Variants in TMTC2 observed in about 807,000 individuals in gnomAD.
TMTC2 encodes the protein protein O-mannosyl-transferase TMTC2.
Under a neutral mutation model 82.4 loss-of-function variants are expected in TMTC2, and 43 were observed. The observed-to-expected ratio is 0.52, with a 90% CI of 0.41 to 0.67. The LOEUF (loss-of-function observed/expected upper bound fraction) is 0.67. Among genes scored for constraint, TMTC2 ranks in the 30% least tolerant of loss-of-function variants. TMTC2 has a pLI of 0.00. For missense variants in TMTC2, 919 were observed against 1,012.4 expected, an observed-to-expected ratio of 0.91 and a Z score of 1.25; for synonymous variants, 408 against 381.9, an observed-to-expected ratio of 1.07 and a Z score of -0.80.
At chr12:82,747,275 G>A (rs1875741439) in intron 1 of TMTC2, among the ~76,000 whole-genome samples, 1 of 152,150 alleles carries the variant, frequency 6.6e-6, no homozygotes, top group Non-Finnish European at 1.5e-5. Flanking sequence ...AATATTAACA[G>A]GATTTTAAAT....
At chr12:82,708,352 G>T (rs991976017) in intron 1 of TMTC2, among the ~76,000 whole-genome samples, 1 of 152,152 alleles carries the variant, frequency 6.6e-6, no homozygotes, top group African/African-American at 2.4e-5. Context: ...GAAAGCTCAA[G>T]GTCAGACTTA....
At chr12:82,964,144 A>C (rs1878080083) in intron 4 of TMTC2, among the ~76,000 whole-genome samples, 1 of 151,820 alleles carries the variant, frequency 6.6e-6, no homozygotes, top group Non-Finnish European at 1.5e-5. Context: ...CAGGCTCAAT[A>C]GATGTGCGGA....
chr12:82,731,673 G>T (rs939822537), intron 1 of TMTC2, among the ~76,000 whole-genome samples: 1 of 152,192 alleles, frequency 6.6e-6, no homozygotes, highest in East Asian at 1.9e-4. Context: ...GAAAAATATG[G>T]GATACAGCAA....
intron 1 of TMTC2, among the ~76,000 whole-genome samples, chr12:82,714,597 A>T (rs768067981): frequency 5.9e-5 from 9 of 152,170 alleles, no homozygotes; most frequent in Non-Finnish European, 4.4e-5. Context: ...GCTGTTCCTG[A>T]TCTCTTTCAG....
intron 11 of TMTC2, among the ~76,000 whole-genome samples, chr12:83,084,176 CT>C (rs1254655832): frequency 1.3e-5 from 2 of 152,136 alleles, no homozygotes; most frequent in Non-Finnish European, 2.9e-5. Flanking sequence ...AATTCAGATT[CT>C]GAAACACAGC....
intron 2 of TMTC2, among the ~76,000 whole-genome samples, chr12:82,886,108 A>T (rs1873086155): frequency 6.6e-6 from 1 of 152,100 alleles, no homozygotes; most frequent in South Asian, 2.1e-4. Context: ...AAATTCTTCC[A>T]GCTTTGGCCA....
At chr12:82,693,871 A>G (rs554735249) in intron 1 of TMTC2, among the ~76,000 whole-genome samples, 16 of 151,488 alleles carry the variant, frequency 1.1e-4, no homozygotes, top group African/African-American at 3.9e-4. Flanking sequence ...AGGAGGCTGA[A>G]GCAGGAAAAT....
In TMTC2 at chr12:82,775,883, TA is replaced by T. The variant is rs1180350421; in HGVS notation, c.84-81125del. The stretch of plus-strand genomic sequence containing the variant: ...TTTGATTTTTTCTCTGACACATTTA[TA>T]ATTTTTTAGTTTCTTTAGTCTCTAG... On this transcript the variant is annotated intron_variant, in intron 1 of 11. Transcript: ENST00000321196. 1.3e-4 allele frequency among the ~76,000 whole-genome samples: 20 copies of T among 152,234 alleles called. 2 individuals carry two copies. The highest frequency in any genetic ancestry group is 4.1e-4 in the African/African-American group (17 of 41,570).
chr12:82,945,983 C>T (rs1876970694), intron 4 of TMTC2, among the ~76,000 whole-genome samples: 1 of 152,106 alleles, frequency 6.6e-6, no homozygotes, highest in African/African-American at 2.4e-5. Flanking sequence ...CTAAATAATA[C>T]ATTATTTCTA....
chr12:83,082,653 G>T, intron 11 of TMTC2, among the ~76,000 whole-genome samples: 1 of 152,250 alleles, frequency 6.6e-6, no homozygotes, highest in East Asian at 1.9e-4. Flanking sequence ...TACAATAACA[G>T]CATCAAATTT....
chr12:82,833,852 A>G lies in TMTC2; in HGVS notation c.84-23158A>G, dbSNP rs556283930. Among the ~76,000 whole-genome samples the G allele has an allele frequency of 1.5e-4, 23 of 152,346 alleles. 1 individual carries two copies. The South Asian group carries it at 4.4e-3, about 29-fold the overall frequency. On this transcript the variant is annotated intron_variant, in intron 1 of 11. Transcript: ENST00000321196. The stretch of plus-strand genomic sequence containing the variant: ...GAATGTTTTTCCATGGTCTTCTCTT[A>G]AACAAAACAAATAAACATAGCAATA...
chr12:82,889,981 A>C (rs1873314964), intron 2 of TMTC2, among the ~76,000 whole-genome samples: 1 of 151,946 alleles, frequency 6.6e-6, no homozygotes, highest in Admixed American at 6.6e-5. Flanking sequence ...CTAACTAGAG[A>C]TTTCCAAGTC....
intron 1 of TMTC2, among the ~76,000 whole-genome samples, chr12:82,844,695 G>C (rs1024893304): frequency 6.6e-6 from 1 of 151,730 alleles, no homozygotes; most frequent in Admixed American, 6.6e-5. Context: ...CCAGCTGCTC[G>C]GGAGACTGAG....
At chr12:82,897,330 G>A (rs191396982) in intron 3 of TMTC2, among the ~76,000 whole-genome samples, 23 of 152,206 alleles carry the variant, frequency 1.5e-4, no homozygotes, top group African/African-American at 5.1e-4. Flanking sequence ...AATTACTTGA[G>A]CAAATCTCAG....
chr12:82,924,220 A>ATT (rs1160559268), intron 3 of TMTC2, among the ~76,000 whole-genome samples: 3 of 152,294 alleles, frequency 2.0e-5, no homozygotes, highest in African/African-American at 7.2e-5. Flanking sequence ...GAGGCATCTC[A>ATT]TTATATGACC....
chr12:82,973,292 C>T (rs1331264358), intron 7 of TMTC2, among the ~76,000 whole-genome samples: 1 of 152,076 alleles, frequency 6.6e-6, no homozygotes, highest in East Asian at 1.9e-4. Context: ...AGAATATGAA[C>T]CTCTAATTTT....
At chr12:82,911,749 G>A (rs1874674492) in intron 3 of TMTC2, among the ~76,000 whole-genome samples, 1 of 151,912 alleles carries the variant, frequency 6.6e-6, no homozygotes, top group Non-Finnish European at 1.5e-5. Context: ...TTACAGGTGT[G>A]CGCCTGTAAT....
chr12:82,823,697 T>G (rs1265050960), intron 1 of TMTC2, among the ~76,000 whole-genome samples: 1 of 152,176 alleles, frequency 6.6e-6, no homozygotes, highest in Non-Finnish European at 1.5e-5. Context: ...TGGTCATTGA[T>G]TATTTTTACA....
At chr12:82,734,884 A>C (rs2136945266) in intron 1 of TMTC2, among the ~76,000 whole-genome samples, 1 of 152,330 alleles carries the variant, frequency 6.6e-6, no homozygotes, top group Admixed American at 6.5e-5. Context: ...TGGGATGGTT[A>C]TATATTTTTG....
Sources: allele counts gnomAD v4.1 joint callset (sites outside exome capture counted in the v4.1 genomes callset), GRCh38; gene constraint gnomAD v4.1.1; transcripts MANE v1.5; gene names NCBI Gene and HGNC (gene_info 2026-07-23, HGNC 2026-07-21).